ERP44: variants seen among roughly 807,000 people sequenced by gnomAD.
ERP44 encodes the protein endoplasmic reticulum resident protein 44.
ERP44 carries 25 observed loss-of-function variants against 53.4 expected under a neutral mutation model. The ratio of observed to expected loss-of-function variants is 0.47; its 90% confidence interval spans 0.34 to 0.65. ERP44 has a LOEUF of 0.65. Among genes scored for constraint, ERP44 ranks in the 30% least tolerant of loss-of-function variants. The pLI, the probability that ERP44 is intolerant of heterozygous loss-of-function variation, is 0.01. For missense variants in ERP44, 338 were observed against 493.2 expected (o/e 0.69, Z 2.98); for synonymous variants, 145 against 161.2 (o/e 0.90, Z 0.76).
intron 11 of ERP44, 33 bp downstream of exon 11, chr9:99,984,934 G>T: frequency 7.3e-7 from 1 of 1,373,528 alleles, no homozygotes; most frequent in South Asian, 1.2e-5. Flanking sequence ...GGGAAAAAAA[G>T]AGTTCTCATT....
intron 1 of ERP44, among the ~76,000 whole-genome samples, chr9:100,074,936 C>A (rs1826340081): frequency 6.6e-6 from 1 of 152,184 alleles, no homozygotes. Flanking sequence ...GGCAGAGACA[C>A]ACTTAGCAGC....
intron 8 of ERP44, among the ~76,000 whole-genome samples, chr9:100,010,749 A>G (rs1008026356): frequency 6.6e-6 from 1 of 151,974 alleles, no homozygotes; most frequent in East Asian, 1.9e-4. Context: ...AAAATTACAA[A>G]TATTAGTTGG....
chr9:100,075,683 G>A lies in ERP44; in HGVS notation c.58-15511C>T, dbSNP rs529411662. 5.9e-5 allele frequency among the ~76,000 whole-genome samples: 9 copies of A among 152,168 alleles called. No individual in the cohort carries two copies. The South Asian group carries it at 1.0e-3, about 18-fold the overall frequency. On this transcript the variant is annotated intron_variant, in intron 1 of 11. Transcript: ENST00000262455. Reference sequence around the variant, plus strand: ...GGGTTTCAGTGGTGTGGGGCCTGTCGAGATATTCCTTCTAAGGTAAAGGAT... The same window carrying A: ...GGGTTTCAGTGGTGTGGGGCCTGTCAAGATATTCCTTCTAAGGTAAAGGAT...
chr9:100,092,664 G>A (rs1826573164), intron 1 of ERP44, among the ~76,000 whole-genome samples: 1 of 152,182 alleles, frequency 6.6e-6, no homozygotes, highest in African/African-American at 2.4e-5. Context: ...ACTGGAAGAA[G>A]AGTAAGCCAT....
intron 9 of ERP44, 25 bp downstream of exon 9, chr9:100,007,553 A>C: frequency 8.9e-7 from 1 of 1,119,936 alleles, no homozygotes; most frequent in Non-Finnish European, 1.4e-6. Flanking sequence ...AGAAATGATG[A>C]AAATAAACAC....
chr9:100,000,864 A>T (rs2118624096), intron 10 of ERP44, among the ~76,000 whole-genome samples: 1 of 151,222 alleles, frequency 6.6e-6, no homozygotes, highest in South Asian at 2.1e-4. Context: ...ATTTCTTCTG[A>T]TCTTTATTAT....
chr9:100,016,968 GAATT>G (rs1399828254), intron 7 of ERP44, among the ~76,000 whole-genome samples: 1 of 152,070 alleles, frequency 6.6e-6, no homozygotes, highest in Admixed American at 6.6e-5. Context: ...TTCTCCAAAT[GAATT>G]AATTTAGCTA....
In ERP44 at chr9:100,006,450, C is replaced by A. The variant is rs1233648775; in HGVS notation, c.1016+56G>T. The A allele has an allele frequency of 7.1e-6, 9 of 1,268,738 alleles. No individual in the cohort carries two copies. In the East Asian group the frequency reaches 1.9e-4, roughly 26 times the overall value. 78.6% of individuals were successfully genotyped at this position (1,268,738 alleles called of 1,614,324 possible). On this transcript the variant is annotated intron_variant, in intron 10 of 11. Transcript: ENST00000262455. The stretch of plus-strand genomic sequence containing the variant: ...TTTAAAATATTCAAACAACTATTTT[C>A]AGTTCATTTTTGAAAAACATATCAG...
At chr9:100,043,291 A>ATAAAAAAAAAAAAAAAAAAAAG (rs1168903331) in intron 4 of ERP44, among the ~76,000 whole-genome samples, 1 of 74,878 alleles carries the variant, frequency 1.3e-5, no homozygotes, top group Admixed American at 2.0e-4. Context: ...AAAAAAAAAA[A>ATAAAAAAAAAAAAAAAAAAAAG]GATAAATAAG....
intron 5 of ERP44, among the ~76,000 whole-genome samples, chr9:100,021,207 C>T (rs1018009765): frequency 2.0e-5 from 3 of 152,166 alleles, no homozygotes; most frequent in East Asian, 1.9e-4. Flanking sequence ...CACGGAAATA[C>T]GAGGTAATGC....
intron 8 of ERP44, among the ~76,000 whole-genome samples, chr9:100,009,093 G>A (rs574265283): frequency 1.3e-5 from 2 of 152,204 alleles, no homozygotes; most frequent in South Asian, 4.2e-4. Flanking sequence ...TCACAAGGTT[G>A]TGCAAACATC....
chr9:99,987,502 AT>A (rs1304643207), intron 10 of ERP44, among the ~76,000 whole-genome samples: 1 of 152,250 alleles, frequency 6.6e-6, no homozygotes, highest in African/African-American at 2.4e-5. Flanking sequence ...TGTTAAGTGT[AT>A]GAACAAACTT....
chr9:99,998,102 C>T (rs1830333039), intron 10 of ERP44, among the ~76,000 whole-genome samples: 1 of 152,160 alleles, frequency 6.6e-6, no homozygotes, highest in African/African-American at 2.4e-5. Flanking sequence ...GGTTAAAATC[C>T]GTGAGAATTC....
chr9:100,093,263 G>C (rs936911706), intron 1 of ERP44, among the ~76,000 whole-genome samples: 8 of 151,936 alleles, frequency 5.3e-5, no homozygotes, highest in African/African-American at 1.9e-4. Context: ...TCAGACATAT[G>C]ACTGAATTCA....
chr9:100,043,290 A>AC lies in ERP44; in HGVS notation c.286+9126_286+9127insG, dbSNP rs1825930703. On this transcript the variant is annotated intron_variant, in intron 4 of 11. Transcript: ENST00000262455. The stretch of plus-strand genomic sequence containing the variant: ...AAAAAAAAAAAAAAAAAAAAAAAAA[A>AC]AGATAAATAAGACATAGTATTTGCT... Among the ~76,000 whole-genome samples the AC allele has an allele frequency of 1.4e-5, 2 of 143,344 alleles. 1 individual carries two copies. The highest frequency in any genetic ancestry group is 3.1e-5 in the Non-Finnish European group (2 of 65,044). The allele number at this position is 143,344 out of a possible 152,430, so 94.0% of individuals were successfully genotyped here.
In ERP44 at chr9:100,041,821, AT is replaced by A. The variant is rs539261254; in HGVS notation, c.286+10595del. 2.6e-4 allele frequency among the ~76,000 whole-genome samples: 39 copies of A among 152,364 alleles called. No individual in the cohort carries two copies. In the East Asian group the frequency reaches 6.9e-3, roughly 27 times the overall value. ...CACTGGGGAAAGGACAGTCTCTTCAATAAATGGTACTGGAAGAACTGGATAT... is the reference window on the plus strand; with the variant it reads ...CACTGGGGAAAGGACAGTCTCTTCAAAAATGGTACTGGAAGAACTGGATAT... On this transcript the variant is annotated intron_variant, in intron 4 of 11. Coordinates refer to ENST00000262455, the MANE Select transcript of ERP44 (RefSeq NM_015051.3).
chr9:100,026,798 G>C (rs1479690409), intron 4 of ERP44, among the ~76,000 whole-genome samples: 1 of 152,090 alleles, frequency 6.6e-6, no homozygotes, highest in Admixed American at 6.6e-5. Flanking sequence ...AATACCCTAA[G>C]ACTTTTTAAT....
At chr9:100,026,547 C>T (rs887621598) in intron 4 of ERP44, among the ~76,000 whole-genome samples, 2 of 152,200 alleles carry the variant, frequency 1.3e-5, no homozygotes, top group African/African-American at 2.4e-5. Context: ...TAAACTATTA[C>T]ATATGTTCAG....
chr9:100,097,059 T>C (rs75392631), intron 1 of ERP44, among the ~76,000 whole-genome samples: 1,724 of 152,294 alleles, frequency 0.011, 27 homozygotes, highest in African/African-American at 0.038. Context: ...AGCCTTTTCA[T>C]ATCTACAGGT....
Sources: allele counts gnomAD v4.1 joint callset (sites outside exome capture counted in the v4.1 genomes callset), GRCh38; gene constraint gnomAD v4.1.1; transcripts MANE v1.5; gene names NCBI Gene and HGNC (gene_info 2026-07-23, HGNC 2026-07-21).